Variants in HORMAD2 observed in about 807,000 individuals in gnomAD.
HORMAD2 encodes HORMA domain-containing protein 2.
HORMAD2 carries 45 observed loss-of-function variants against 38.8 expected under a neutral mutation model. The ratio of observed to expected loss-of-function variants is 1.16; its 90% CI spans 0.91 to 1.49. HORMAD2 has a LOEUF of 1.49. HORMAD2 is among the 40% of genes most tolerant of loss of function. The pLI, the probability that HORMAD2 is intolerant of heterozygous loss-of-function variation, is 0.00. For missense variants in HORMAD2, 338 were observed against 367.0 expected (o/e 0.92, Z 0.65); for synonymous variants, 126 against 122.8 (o/e 1.03, Z -0.17).
chr22:30,141,594 AC>A (rs1175351810), intron 10 of HORMAD2, among the ~76,000 whole-genome samples: 2 of 136,780 alleles, frequency 1.5e-5, no homozygotes, highest in African/African-American at 5.3e-5. Flanking sequence ...CAGAGAACAT[AC>A]TTTTTTTTTT....
chr22:30,190,504 G>T, the HORMAD2 span, among the ~76,000 whole-genome samples: 1 of 152,186 alleles, frequency 6.6e-6, no homozygotes, highest in Non-Finnish European at 1.5e-5. Flanking sequence ...GTCCCCATTG[G>T]CACCTGTTTA....
the HORMAD2 span, among the ~76,000 whole-genome samples, chr22:30,194,440 G>A: frequency 6.6e-6 from 1 of 152,162 alleles, no homozygotes; most frequent in Non-Finnish European, 1.5e-5. Flanking sequence ...TAGCTCAGTG[G>A]GACCTATGGC....
At chr22:30,122,835 C>T (rs1384925939) in intron 10 of HORMAD2, among the ~76,000 whole-genome samples, 3 of 152,092 alleles carry the variant, frequency 2.0e-5, no homozygotes, top group African/African-American at 7.2e-5. Context: ...CCATTATGCC[C>T]TAGGTAACTC....
the HORMAD2 span, among the ~76,000 whole-genome samples, chr22:30,201,383 G>GTAT: frequency 6.8e-6 from 1 of 147,832 alleles, no homozygotes; most frequent in Non-Finnish European, 1.5e-5. Context: ...TCCAAATAAG[G>GTAT]TTATATTCAC....
chr22:30,112,876 A>G lies in HORMAD2; in HGVS notation c.342+354A>G, dbSNP rs913431244. Among the ~76,000 whole-genome samples, 14 of 151,948 alleles carry G rather than the reference A, an allele frequency of 9.2e-5. 1 individual carries two copies. The highest frequency in any genetic ancestry group is 1.8e-4 in the Non-Finnish European group (12 of 67,962). ...TTTTTTCCGAGTCATATAAAACCAC[A>G]TTTTATTATTTATTTAAACTGATTA... On this transcript the variant is annotated intron_variant, in intron 7 of 10. Coordinates refer to ENST00000336726, the MANE Select transcript of HORMAD2 (RefSeq NM_152510.4).
chr22:30,106,556 G>T (rs181004021), intron 5 of HORMAD2, among the ~76,000 whole-genome samples: 1 of 152,018 alleles, frequency 6.6e-6, no homozygotes, highest in African/African-American at 2.4e-5. Context: ...AGGGGGAGAC[G>T]GCCATCACTG....
At chr22:30,082,312 C>T (rs1339727043) in intron 1 of HORMAD2, among the ~76,000 whole-genome samples, 1 of 152,140 alleles carries the variant, frequency 6.6e-6, no homozygotes, top group Non-Finnish European at 1.5e-5. Context: ...AGAGAGCCTT[C>T]ATAAATCAAC....
At chr22:30,154,424 T>A (rs563816844) in intron 10 of HORMAD2, among the ~76,000 whole-genome samples, 14 of 152,352 alleles carry the variant, frequency 9.2e-5, no homozygotes, top group African/African-American at 3.4e-4. Flanking sequence ...TACTGTACTA[T>A]GTAATTCCTA....
intron 10 of HORMAD2, chr22:30,136,982 G>T: frequency 3.9e-6 from 2 of 518,364 alleles, no homozygotes; most frequent in South Asian, 4.6e-5. Flanking sequence ...GGATTTGGCA[G>T]ACCTGTTAGT....
chr22:30,126,601 T>TGACAAA (rs1338886606), intron 10 of HORMAD2, among the ~76,000 whole-genome samples: 1 of 152,256 alleles, frequency 6.6e-6, no homozygotes, highest in Non-Finnish European at 1.5e-5. Flanking sequence ...TTAATTTGGA[T>TGACAAA]AATTTATAAT....
At chr22:30,120,494 A>G (rs1034959886) in intron 8 of HORMAD2, among the ~76,000 whole-genome samples, 12 of 152,220 alleles carry the variant, frequency 7.9e-5, no homozygotes, top group African/African-American at 2.9e-4. Context: ...CTATGTGCAC[A>G]GCCATGTGTA....
At chr22:30,128,927 T>C (rs1041990328) in intron 10 of HORMAD2, among the ~76,000 whole-genome samples, 8 of 152,078 alleles carry the variant, frequency 5.3e-5, no homozygotes, top group South Asian at 2.1e-4. Context: ...AAGAGAATAA[T>C]GCCCTGGCCG....
At chr22:30,097,126 A>G (rs1319106962) in intron 2 of HORMAD2, among the ~76,000 whole-genome samples, 1 of 152,256 alleles carries the variant, frequency 6.6e-6, no homozygotes, top group Non-Finnish European at 1.5e-5. Flanking sequence ...AGCCTCACAG[A>G]ATAATTATGA....
intron 10 of HORMAD2, among the ~76,000 whole-genome samples, chr22:30,152,023 A>ATG (rs2146200692): frequency 6.6e-6 from 1 of 152,156 alleles, no homozygotes; most frequent in Admixed American, 6.5e-5. Flanking sequence ...TCCTTACCAA[A>ATG]TTTCTCACAA....
chr22:30,139,254 CTATATATATA>C lies in HORMAD2; in HGVS notation c.819+17064_819+17073del, dbSNP rs3067131. ...TGTTTATATATATATATGAACTGTA[CTATATATATA>C]TATATATATATATATATATATATCC... is the stretch of plus-strand genomic sequence containing the variant. On this transcript the variant is annotated intron_variant, in intron 10 of 10. Coordinates refer to ENST00000336726, the MANE Select transcript of HORMAD2 (RefSeq NM_152510.4). 8.2e-3 allele frequency among the ~76,000 whole-genome samples: 792 copies of C among 96,740 alleles called. 11 individuals are homozygous for C. The highest frequency in any genetic ancestry group is 0.036 in the African/African-American group (716 of 19,980). The allele number at this position is 96,740 out of a possible 152,430, so 63.5% of individuals were successfully genotyped here. A position where few individuals can be genotyped will look rare whatever the true frequency, so the allele number is the denominator to read the frequency against.
At chr22:30,136,861 G>A (rs1923697094) in intron 10 of HORMAD2, 1 of 372,576 alleles carries the variant, frequency 2.7e-6, no homozygotes, top group Admixed American at 3.5e-5. Context: ...TAAACAGATA[G>A]GCAAGCCTTT....
At position 30,104,442 on chromosome 22, in the gene HORMAD2, G is replaced by T; in HGVS notation, c.294+5G>T. On this transcript the variant is annotated splice_donor_5th_base_variant and intron_variant, in intron 5 of 10. Transcript: ENST00000336726. ...GATGCTTTGGAAAAGAGATACGTAA[G>T]AATGTTTTTACACTTACACTGGAAT... 1 of 1,604,548 alleles carries T rather than the reference G, an allele frequency of 6.2e-7. No homozygotes were observed. Among genetic ancestry groups the T allele is most frequent in the South Asian group, 1.1e-5 (1 of 89,984 alleles).
the HORMAD2 span, among the ~76,000 whole-genome samples, chr22:30,195,415 A>C: frequency 3.5e-4 from 54 of 152,250 alleles, no homozygotes; most frequent in African/African-American, 1.1e-3. Context: ...AAGACTGTCA[A>C]ACCTCCTCTC....
the HORMAD2 span, among the ~76,000 whole-genome samples, chr22:30,204,816 A>G: frequency 5.3e-5 from 8 of 152,318 alleles, 1 homozygote; most frequent in South Asian, 1.7e-3. Flanking sequence ...AACCTGAAAG[A>G]GCTCCCCAGG....
Sources: gnomAD v4.1 joint callset for allele counts (sites outside exome capture counted in the v4.1 genomes callset) on GRCh38, gnomAD v4.1.1 for gene constraint, MANE v1.5 for transcripts, NCBI Gene and HGNC (gene_info 2026-07-23, HGNC 2026-07-21) for gene names.